CEP63: variants seen among roughly 807,000 people sequenced by gnomAD.
CEP63 encodes centrosomal protein of 63 kDa.
In CEP63, 84 loss-of-function variants were observed where a neutral mutation model predicts 89.1. That is an observed-to-expected ratio of 0.94 (90% CI 0.79 to 1.13). CEP63 has a LOEUF of 1.13. Ranked by LOEUF, CEP63 falls within the 50% of genes most tolerant of loss-of-function variation. The pLI, the probability that CEP63 is intolerant of heterozygous loss-of-function variation, is 0.00. For missense variants in CEP63, 838 were observed against 813.3 expected (o/e 1.03, Z -0.37); for synonymous variants, 267 against 272.5 (o/e 0.98, Z 0.20).
At chr3:134,668,561 C>T in the CEP63 span, among the ~76,000 whole-genome samples, 1 of 152,140 alleles carries the variant, frequency 6.6e-6, no homozygotes, top group Non-Finnish European at 1.5e-5. Context: ...TAATCACTTC[C>T]TTGACCATCA....
At chr3:134,635,478 C>T in the CEP63 span, among the ~76,000 whole-genome samples, 2 of 104,718 alleles carry the variant, frequency 1.9e-5, no homozygotes, top group Non-Finnish European at 3.5e-5. Flanking sequence ...GCCTGGACAA[C>T]AGAGCGAGAC....
At chr3:134,566,445 A>G (rs1375582429), downstream of CEP63, among the ~76,000 whole-genome samples, 2 of 152,242 alleles carry the variant, frequency 1.3e-5, no homozygotes, top group East Asian at 3.9e-4. Context: ...GAGATTAAAA[A>G]CCATAGCTTT....
At chr3:134,728,220 C>T in the CEP63 span, among the ~76,000 whole-genome samples, 2 of 152,110 alleles carry the variant, frequency 1.3e-5, no homozygotes, top group Non-Finnish European at 2.9e-5. Flanking sequence ...TTTCAGTGAG[C>T]GTCAGTGCCC....
chr3:134,585,122 C>T (rs6774883), intron 10 of CEP63, among the ~76,000 whole-genome samples: 151,538 of 152,052 alleles, frequency 1, 75,517 homozygotes, highest in Middle Eastern at 1. Context: ...ATTTTGTTGA[C>T]CTTTTCAAAA....
At chr3:134,492,117 A>C (rs1937790868) in intron 1 of CEP63, among the ~76,000 whole-genome samples, 2 of 115,680 alleles carry the variant, frequency 1.7e-5, no homozygotes, top group African/African-American at 6.8e-5. Context: ...TCTGTCGCCC[A>C]GGCTGGAGTG....
chr3:134,762,234 G>C, the CEP63 span, among the ~76,000 whole-genome samples: 2 of 152,130 alleles, frequency 1.3e-5, no homozygotes, highest in Admixed American at 6.5e-5. Flanking sequence ...GGAAAAGTGC[G>C]TGTCTTCCTA....
chr3:134,530,165 G>C (rs748850606), intron 3 of CEP63, among the ~76,000 whole-genome samples: 2 of 152,080 alleles, frequency 1.3e-5, no homozygotes, highest in Admixed American at 6.6e-5. Context: ...GAGCCACCGC[G>C]CCCAACAAGG....
chr3:134,604,128 G>T, the CEP63 span: 1 of 1,608,564 alleles, frequency 6.2e-7, no homozygotes, highest in Non-Finnish European at 8.5e-7. Flanking sequence ...TGATGGAGCA[G>T]CGCCCGTCGC....
At chr3:134,497,247 G>C (rs769818327) in intron 2 of CEP63, among the ~76,000 whole-genome samples, 12 of 152,172 alleles carry the variant, frequency 7.9e-5, no homozygotes, top group Middle Eastern at 3.4e-3. Flanking sequence ...TTCCTTTGCC[G>C]TGCAAAAACT....
At chr3:134,534,311 A>G (rs1950380352) in intron 5 of CEP63, among the ~76,000 whole-genome samples, 1 of 152,066 alleles carries the variant, frequency 6.6e-6, no homozygotes, top group African/African-American at 2.4e-5. Context: ...TGTCTCATCT[A>G]CTTATTCCCA....
chr3:134,634,071 G>A, the CEP63 span, among the ~76,000 whole-genome samples: 10 of 152,094 alleles, frequency 6.6e-5, no homozygotes, highest in East Asian at 3.9e-4. Flanking sequence ...TGCAATAATC[G>A]CATACTGAAA....
rs113189359 is a variant in CEP63 at position 134,545,966 on chromosome 3, T to C, written c.789+147T>C. 2,029 of 836,242 alleles carry C rather than the reference T, an allele frequency of 2.4e-3. 25 individuals are homozygous for C. In the African/African-American group the frequency reaches 0.027, roughly 11 times the overall value. 51.8% of individuals were successfully genotyped at this position (836,242 alleles called of 1,614,324 possible). ...CAGATATTGATAGTTTTACTAATAT[T>C]GTGACTTTATTACAATATTTACAAT... On this transcript the variant is annotated intron_variant, in intron 7 of 14. Coordinates refer to ENST00000675561, the MANE Select transcript of CEP63 (RefSeq NM_001353108.3).
At chr3:134,715,503 CA>C in the CEP63 span, among the ~76,000 whole-genome samples, 1 of 146,128 alleles carries the variant, frequency 6.8e-6, no homozygotes, top group African/African-American at 2.5e-5. Context: ...AAGGGTTGTG[CA>C]GCCAGGAAAG....
At chr3:134,626,510 G>A in the CEP63 span, among the ~76,000 whole-genome samples, 1 of 152,164 alleles carries the variant, frequency 6.6e-6, no homozygotes, top group African/African-American at 2.4e-5. Context: ...GCAGGTACAT[G>A]CAGGGAGGGA....
chr3:134,539,642 C>A (rs540522473), intron 6 of CEP63, among the ~76,000 whole-genome samples: 14 of 152,116 alleles, frequency 9.2e-5, no homozygotes, highest in South Asian at 2.1e-4. Context: ...TGAACAATGA[C>A]AGTAGAAAAC....
the CEP63 span, among the ~76,000 whole-genome samples, chr3:134,673,508 G>A: frequency 1.5e-3 from 227 of 152,002 alleles, 1 homozygote; most frequent in Non-Finnish European, 2.3e-3. Context: ...TGCCACACAC[G>A]CCTGACAAAA....
chr3:134,632,167 G>T, the CEP63 span, among the ~76,000 whole-genome samples: 3 of 152,030 alleles, frequency 2.0e-5, no homozygotes, highest in Non-Finnish European at 4.4e-5. Flanking sequence ...TACAATTATA[G>T]TTCGAGATTT....
chr3:134,625,148 G>A, the CEP63 span: 1 of 1,587,734 alleles, frequency 6.3e-7, no homozygotes, highest in Admixed American at 1.8e-5. Flanking sequence ...GGAAACACAG[G>A]GCACCTTGGT....
At chr3:134,604,258 T>C in the CEP63 span, 13 of 1,613,806 alleles carry the variant, frequency 8.1e-6, no homozygotes, top group Non-Finnish European at 8.5e-6. Context: ...GTCCACATAA[T>C]TGCACTTGAG....
Sources: allele counts gnomAD v4.1 joint callset (sites outside exome capture counted in the v4.1 genomes callset), GRCh38; gene constraint gnomAD v4.1.1; transcripts MANE v1.5; gene names NCBI Gene and HGNC (gene_info 2026-07-23, HGNC 2026-07-21).